The following ATP8A2 variants were observed in gnomAD, a reference collection of about 807,000 sequenced individuals.
ATP8A2 encodes the protein ATPase phospholipid transporting 8A2, also known as phospholipid-transporting ATPase IB.
A neutral mutation model predicts 165.6 loss-of-function variants in ATP8A2; 100 were observed. The ratio of observed to expected loss-of-function variants is 0.60; its 90% confidence interval spans 0.51 to 0.71. ATP8A2 has a LOEUF of 0.71. Among genes scored for constraint, ATP8A2 ranks in the 30% least tolerant of loss-of-function variants. The probability of loss-of-function intolerance (pLI) is 0.00; values close to 1 mark genes in which losing one functional copy is unlikely to be tolerated. For synonymous variants in ATP8A2, 543 were observed against 548.8 expected (o/e 0.99, Z 0.15); for missense variants, 1,227 against 1,479.5 (o/e 0.83, Z 2.80).
At chr13:25,895,059 T>A (rs1441738387) in intron 33 of ATP8A2, among the ~76,000 whole-genome samples, 2 of 152,208 alleles carry the variant, frequency 1.3e-5, no homozygotes, top group African/African-American at 4.8e-5. Flanking sequence ...TGGCCAGAAC[T>A]TCCAACACTA....
intron 27 of ATP8A2, among the ~76,000 whole-genome samples, chr13:25,804,278 AC>A (rs1239487956): frequency 6.6e-6 from 1 of 152,142 alleles, no homozygotes; most frequent in East Asian, 1.9e-4. Context: ...AAGGAGTGTT[AC>A]CAAATATTAC....
chr13:25,566,690 C>A (rs1281223989), intron 16 of ATP8A2, among the ~76,000 whole-genome samples: 2 of 152,160 alleles, frequency 1.3e-5, no homozygotes, highest in African/African-American at 4.8e-5. Context: ...GGAATAGCAG[C>A]AAACTATTGG....
At chr13:25,447,999 C>T (rs565350369) in intron 1 of ATP8A2, among the ~76,000 whole-genome samples, 2 of 152,250 alleles carry the variant, frequency 1.3e-5, no homozygotes, top group East Asian at 1.9e-4. Flanking sequence ...CTGTTTTGTT[C>T]CTCTACCAGT....
intron 24 of ATP8A2, among the ~76,000 whole-genome samples, chr13:25,684,122 C>G (rs189467875): frequency 6.6e-6 from 1 of 152,174 alleles, no homozygotes; most frequent in African/African-American, 2.4e-5. Flanking sequence ...CCCAGGATAA[C>G]ATTATTAACC....
chr13:25,989,150 G>A (rs1038473011), intron 35 of ATP8A2, among the ~76,000 whole-genome samples: 1 of 152,208 alleles, frequency 6.6e-6, no homozygotes, highest in Non-Finnish European at 1.5e-5. Context: ...GGTCCCTGCA[G>A]CCAGCTTTGA....
At chr13:25,981,742 G>A (rs1956173362) in intron 35 of ATP8A2, among the ~76,000 whole-genome samples, 1 of 152,132 alleles carries the variant, frequency 6.6e-6, no homozygotes, top group Non-Finnish European at 1.5e-5. Context: ...AAAAGCTTGT[G>A]TTAACTTTAC....
intron 33 of ATP8A2, among the ~76,000 whole-genome samples, chr13:25,925,175 T>C (rs1287307342): frequency 6.6e-6 from 1 of 152,216 alleles, no homozygotes; most frequent in East Asian, 1.9e-4. Flanking sequence ...AAATCCTCTC[T>C]CAGCTGGGTT....
chr13:25,447,996 G>T (rs1265547174), intron 1 of ATP8A2, among the ~76,000 whole-genome samples: 1 of 152,110 alleles, frequency 6.6e-6, no homozygotes, highest in Non-Finnish European at 1.5e-5. Flanking sequence ...ATGCTGTTTT[G>T]TTCCTCTACC....
intron 7 of ATP8A2, among the ~76,000 whole-genome samples, chr13:25,538,867 C>G (rs1224530873): frequency 6.6e-6 from 1 of 152,016 alleles, no homozygotes; most frequent in African/African-American, 2.4e-5. Context: ...CATTAATTTT[C>G]TGCTTGAGAT....
intron 15 of ATP8A2, among the ~76,000 whole-genome samples, chr13:25,563,338 G>T (rs560300479): frequency 1.3e-5 from 2 of 151,408 alleles, no homozygotes; most frequent in East Asian, 3.9e-4. Context: ...GAACATGCCA[G>T]GCGGAGGTTG....
chr13:25,878,702 A>T (rs1289182431), intron 33 of ATP8A2, among the ~76,000 whole-genome samples: 2 of 151,998 alleles, frequency 1.3e-5, no homozygotes, highest in African/African-American at 4.8e-5. Flanking sequence ...CCCAGCCCCT[A>T]TTCAAGATGG....
At chr13:26,019,794 C>A in intron 36 of ATP8A2, 94 bp from the exon 37 acceptor site, 1 of 825,704 alleles carries the variant, frequency 1.2e-6, no homozygotes. Flanking sequence ...TCGCACTCAC[C>A]CGCACGCTGC....
At chr13:25,799,135 A>T (rs1247639881) in intron 27 of ATP8A2, among the ~76,000 whole-genome samples, 1 of 152,176 alleles carries the variant, frequency 6.6e-6, no homozygotes, top group African/African-American at 2.4e-5. Flanking sequence ...ATTGAATTGG[A>T]CAAACAAAGA....
chr13:25,399,700 C>G (rs1382040778), intron 1 of ATP8A2, among the ~76,000 whole-genome samples: 4 of 151,612 alleles, frequency 2.6e-5, no homozygotes, highest in Non-Finnish European at 4.4e-5. Flanking sequence ...CCGCGCCCGG[C>G]CCGTGGTTCT....
chr13:25,884,270 C>G (rs551212232), intron 33 of ATP8A2, among the ~76,000 whole-genome samples: 1 of 152,270 alleles, frequency 6.6e-6, no homozygotes, highest in South Asian at 2.1e-4. Context: ...GGGAAGGATT[C>G]AACAAGTTTA....
At chr13:25,575,604 AT>A (rs993370386) in intron 19 of ATP8A2, among the ~76,000 whole-genome samples, 2 of 152,210 alleles carry the variant, frequency 1.3e-5, no homozygotes, top group Non-Finnish European at 2.9e-5. Flanking sequence ...TTTATAAACT[AT>A]TTTTAATAAG....
rs749429376 is a variant in ATP8A2 at position 25,847,828 on chromosome 13, A to C, written c.2956+8204A>C. 3.3e-4 allele frequency among the ~76,000 whole-genome samples: 50 copies of C among 151,990 alleles called. 1 individual carries two copies. The highest frequency in any genetic ancestry group is 7.4e-5 in the Non-Finnish European group (5 of 68,000). ...TGCCTCCCCTGCCTGCATGCCTTTG[A>C]CATACAAATCAACCAAGCCCGAGCC... On this transcript the variant is annotated intron_variant, in intron 30 of 36. Coordinates refer to ENST00000381655, the MANE Select transcript of ATP8A2 (RefSeq NM_016529.6).
At chr13:25,776,490 C>A (rs2044744315) in intron 27 of ATP8A2, among the ~76,000 whole-genome samples, 1 of 152,188 alleles carries the variant, frequency 6.6e-6, no homozygotes, top group Non-Finnish European at 1.5e-5. Flanking sequence ...CACAATTTGT[C>A]TGCTGGTCTT....
At chr13:25,948,141 T>C (rs1470738101) in intron 33 of ATP8A2, among the ~76,000 whole-genome samples, 1 of 152,142 alleles carries the variant, frequency 6.6e-6, no homozygotes, top group South Asian at 2.1e-4. Context: ...CTGGGACTTC[T>C]ATAGCACAGC....
Sources: gnomAD v4.1 joint callset for allele counts (sites outside exome capture counted in the v4.1 genomes callset) on GRCh38, gnomAD v4.1.1 for gene constraint, MANE v1.5 for transcripts, NCBI Gene and HGNC (gene_info 2026-07-23, HGNC 2026-07-21) for gene names.